CLASP1: variants seen among roughly 807,000 people sequenced by gnomAD.
CLASP1 encodes the protein CLIP-associating protein 1.
Under a neutral mutation model 192.3 loss-of-function variants are expected in CLASP1, and 38 were observed. The ratio of observed to expected loss-of-function variants is 0.20; its 90% CI spans 0.15 to 0.26. CLASP1 has a LOEUF of 0.26. Ranked by LOEUF, CLASP1 falls within the 10% of genes least tolerant of loss-of-function variation. The probability of loss-of-function intolerance (pLI) is 1.00; values close to 1 mark genes in which losing one functional copy is unlikely to be tolerated. For synonymous variants in CLASP1, 691 were observed against 712.8 expected, an observed-to-expected ratio of 0.97 and a Z score of 0.49; for missense variants, 1,433 against 1,932.5, an observed-to-expected ratio of 0.74 and a Z score of 4.85.
intron 2 of CLASP1, among the ~76,000 whole-genome samples, chr2:121,537,306 C>T (rs913904962): frequency 2.0e-5 from 3 of 151,720 alleles, no homozygotes; most frequent in East Asian, 1.9e-4. Flanking sequence ...GAGAGAGGAT[C>T]GCTCGAGCCC....
In CLASP1 at chr2:121,558,343, C is replaced by T. The variant is rs191078151; in HGVS notation, c.196-28018G>A. Among the ~76,000 whole-genome samples the T allele has an allele frequency of 4.2e-3, 636 of 152,266 alleles. 6 individuals carry two copies. The highest frequency in any genetic ancestry group is 5.9e-3 in the Non-Finnish European group (398 of 68,016). On this transcript the variant is annotated intron_variant, in intron 2 of 39. Transcript: ENST00000263710. ...GGGAAAGCAACAGAAAAAAAGAAAT[C>T]CTCCAGGCATCCTAGGAAGCATCTC... is the stretch of plus-strand genomic sequence containing the variant.
chr2:121,378,960 T>A (rs2070945705), intron 33 of CLASP1, among the ~76,000 whole-genome samples: 1 of 143,770 alleles, frequency 7.0e-6, no homozygotes, highest in African/African-American at 2.8e-5. Flanking sequence ...CCTTAAGTAT[T>A]CTGCCTTAAA....
chr2:121,628,400 G>T (rs960206250), intron 1 of CLASP1, among the ~76,000 whole-genome samples: 1 of 152,100 alleles, frequency 6.6e-6, no homozygotes, highest in African/African-American at 2.4e-5. Flanking sequence ...TTGAGGCCAG[G>T]CACGATGGCT....
intron 2 of CLASP1, among the ~76,000 whole-genome samples, chr2:121,566,071 C>A (rs2059475709): frequency 6.6e-6 from 1 of 152,178 alleles, no homozygotes; most frequent in Non-Finnish European, 1.5e-5. Flanking sequence ...CCTCCAGCAC[C>A]CTTCTCACAT....
At chr2:121,606,076 G>A in exon 2 of CLASP1, 1 of 587,864 alleles carries the variant, frequency 1.7e-6, no homozygotes. Context: ...CAGCTGGTAG[G>A]ATATTAAAAG....
At chr2:121,348,958 C>T (rs567762563) in intron 37 of CLASP1, among the ~76,000 whole-genome samples, 3 of 152,112 alleles carry the variant, frequency 2.0e-5, no homozygotes, top group Admixed American at 6.5e-5. Flanking sequence ...AAGTGGTACT[C>T]GGCCGGGCGC....
chr2:121,415,118 T>C (rs1559098860), intron 23 of CLASP1, among the ~76,000 whole-genome samples: 3 of 152,188 alleles, frequency 2.0e-5, no homozygotes, highest in Non-Finnish European at 1.5e-5. Context: ...CGTTTGAATT[T>C]AGCTGTATTA....
intron 2 of CLASP1, among the ~76,000 whole-genome samples, chr2:121,561,870 T>C (rs1293319294): frequency 6.6e-6 from 1 of 152,210 alleles, no homozygotes; most frequent in Non-Finnish European, 1.5e-5. Flanking sequence ...TACCTTTGAG[T>C]GGCTTATCTA....
At chr2:121,469,842 C>T in exon 9 of CLASP1, 3 of 1,613,480 alleles carry the variant, frequency 1.9e-6, no homozygotes, top group Middle Eastern at 1.7e-4. Flanking sequence ...ATGAACCAAG[C>T]CGGCGGGTGG....
intron 8 of CLASP1, among the ~76,000 whole-genome samples, chr2:121,493,560 G>A (rs1170178891): frequency 6.6e-6 from 1 of 152,034 alleles, no homozygotes; most frequent in Non-Finnish European, 1.5e-5. Flanking sequence ...AAAACATGGG[G>A]GAAACTCTCC....
At chr2:121,579,125 G>C (rs2060862685) in intron 2 of CLASP1, among the ~76,000 whole-genome samples, 1 of 152,282 alleles carries the variant, frequency 6.6e-6, no homozygotes, top group South Asian at 2.1e-4. Flanking sequence ...TTTTAGAGGT[G>C]AGCCTAGTCA....
rs375631879 is a variant in CLASP1 at position 121,608,821 on chromosome 2, A to C, written c.-285-2641T>G. 1.5e-4 allele frequency among the ~76,000 whole-genome samples: 23 copies of C among 152,298 alleles called. No homozygotes were observed. The East Asian group carries it at 4.4e-3, about 29-fold the overall frequency. On this transcript the variant is annotated intron_variant, in intron 1 of 39. Coordinates refer to ENST00000263710, the Ensembl canonical transcript of CLASP1. Reference sequence around the variant, plus strand: ...TTTCATTCATTCTCAATGAAAAAAAATTTCATAGCGTTTACTCCTTCAAGG... The same window carrying C: ...TTTCATTCATTCTCAATGAAAAAAACTTTCATAGCGTTTACTCCTTCAAGG...
chr2:121,575,968 G>C (rs962469458), intron 2 of CLASP1, among the ~76,000 whole-genome samples: 1 of 152,224 alleles, frequency 6.6e-6, no homozygotes, highest in African/African-American at 2.4e-5. Flanking sequence ...GTAGCTAAGA[G>C]CATGACACAG....
chr2:121,496,718 A>G (rs774222296), intron 8 of CLASP1, among the ~76,000 whole-genome samples: 10 of 152,196 alleles, frequency 6.6e-5, no homozygotes, highest in Admixed American at 5.9e-4. Flanking sequence ...ATGCCGAGAT[A>G]GGTATTAGTC....
chr2:121,584,597 A>T (rs2061526284), intron 2 of CLASP1, among the ~76,000 whole-genome samples: 1 of 152,208 alleles, frequency 6.6e-6, no homozygotes, highest in Admixed American at 6.5e-5. Context: ...ATTTAAAAAA[A>T]AATAAAAATG....
At chr2:121,426,921 A>G (rs1431622407) in intron 21 of CLASP1, among the ~76,000 whole-genome samples, 1 of 152,094 alleles carries the variant, frequency 6.6e-6, no homozygotes, top group African/African-American at 2.4e-5. Flanking sequence ...TCTAAAATAT[A>G]AAGTATACAT....
At chr2:121,340,799 G>A in exon 40 of CLASP1, 1 of 1,278,776 alleles carries the variant, frequency 7.8e-7, no homozygotes, top group Non-Finnish European at 1.1e-6. Flanking sequence ...AGGGGGTGGG[G>A]AAAGGTCTCT....
intron 6 of CLASP1, among the ~76,000 whole-genome samples, chr2:121,516,268 G>A (rs2094290182): frequency 6.6e-6 from 1 of 152,156 alleles, no homozygotes; most frequent in Non-Finnish European, 1.5e-5. Flanking sequence ...CTACATTACA[G>A]GGCATGATGG....
intron 2 of CLASP1, among the ~76,000 whole-genome samples, chr2:121,537,344 A>T (rs1427472977): frequency 6.6e-6 from 1 of 151,902 alleles, no homozygotes; most frequent in East Asian, 1.9e-4. Context: ...GTGAGCCGTG[A>T]TCTTGTCACT....
Sources: allele counts gnomAD v4.1 joint callset (sites outside exome capture counted in the v4.1 genomes callset), GRCh38; gene constraint gnomAD v4.1.1; transcripts MANE v1.5; gene names NCBI Gene and HGNC (gene_info 2026-07-23, HGNC 2026-07-21).